PALLD: variants seen among roughly 807,000 people sequenced by gnomAD.
PALLD encodes palladin, cytoskeletal associated protein, also known as palladin.
Under a neutral mutation model 123.5 loss-of-function variants are expected in PALLD, and 61 were observed. The observed-to-expected ratio is 0.49, with a 90% CI of 0.40 to 0.61. PALLD has a LOEUF of 0.61. Among genes scored for constraint, PALLD ranks in the 20% least tolerant of loss-of-function variants. PALLD has a pLI of 0.00. For missense variants in PALLD, 1,273 were observed against 1,377.0 expected, an observed-to-expected ratio of 0.92 and a Z score of 1.20; for synonymous variants, 465 against 496.4, an observed-to-expected ratio of 0.94 and a Z score of 0.84.
At chr4:168,656,244 C>CT in intron 2 of PALLD, among the ~76,000 whole-genome samples, 1 of 109,744 alleles carries the variant, frequency 9.1e-6, no homozygotes, top group African/African-American at 3.4e-5. Context: ...TCCACCCCCC[C>CT]ACCCCCCACC....
At chr4:168,707,740 T>C (rs1441837766) in intron 8 of PALLD, among the ~76,000 whole-genome samples, 1 of 152,198 alleles carries the variant, frequency 6.6e-6, no homozygotes, top group Non-Finnish European at 1.5e-5. Context: ...ATTGCAGCCA[T>C]TATTACTAAG....
At chr4:168,587,164 C>A (rs910795980) in intron 2 of PALLD, among the ~76,000 whole-genome samples, 4 of 152,064 alleles carry the variant, frequency 2.6e-5, no homozygotes, top group African/African-American at 7.2e-5. Flanking sequence ...TTGAAGAATG[C>A]GGGTGTGTAG....
At chr4:168,809,988 G>A (rs752680719) in intron 10 of PALLD, among the ~76,000 whole-genome samples, 1 of 152,052 alleles carries the variant, frequency 6.6e-6, no homozygotes, top group South Asian at 2.1e-4. Flanking sequence ...GGCAAGGAGT[G>A]GAGGTCAGCC....
At chr4:168,591,369 C>A (rs868716546) in intron 2 of PALLD, among the ~76,000 whole-genome samples, 1 of 152,162 alleles carries the variant, frequency 6.6e-6, no homozygotes, top group Non-Finnish European at 1.5e-5. Context: ...GGGCCAGATA[C>A]CATTTAGCTC....
intron 3 of PALLD, among the ~76,000 whole-genome samples, chr4:168,674,115 A>G (rs1181981800): frequency 6.6e-6 from 1 of 152,148 alleles, no homozygotes; most frequent in Non-Finnish European, 1.5e-5. Context: ...GGGTTTTGCC[A>G]TGGTGGCCAG....
intron 2 of PALLD, among the ~76,000 whole-genome samples, chr4:168,534,623 C>G (rs1647420715): frequency 6.6e-6 from 1 of 152,056 alleles, no homozygotes; most frequent in Non-Finnish European, 1.5e-5. Context: ...CTTTTTGTAT[C>G]TTCCACTGAA....
At chr4:168,706,069 T>G (rs1784201378) in intron 8 of PALLD, among the ~76,000 whole-genome samples, 1 of 152,216 alleles carries the variant, frequency 6.6e-6, no homozygotes, top group Admixed American at 6.5e-5. Context: ...ACTACAGTAT[T>G]GTTAACTGTA....
At position 168,926,857 on chromosome 4, in the gene PALLD, A is replaced by AAAG. The variant is rs368730052; in HGVS notation, c.*685_*687dup. The stretch of plus-strand genomic sequence containing the variant: ...GAACCAAGTGCAATATGTAAGGATG[A>AAAG]AAGAAGAAGAGATGACAAAGAAATC... On this transcript the variant is annotated 3_prime_UTR_variant, in exon 22 of 22. Transcript: ENST00000505667. The AAAG allele has an allele frequency of 2.7e-5, 6 of 221,004 alleles. No individual in the cohort carries two copies. The highest frequency in any genetic ancestry group is 5.4e-5 in the Non-Finnish European group (6 of 110,282). The allele number at this position is 221,004 out of a possible 1,614,324, so 13.7% of individuals were successfully genotyped here. A position where few individuals can be genotyped will look rare whatever the true frequency, so the allele number is the denominator to read the frequency against.
At chr4:168,840,183 A>G (rs989321445) in intron 10 of PALLD, among the ~76,000 whole-genome samples, 1 of 152,166 alleles carries the variant, frequency 6.6e-6, no homozygotes, top group African/African-American at 2.4e-5. Context: ...CTTCTCTCAC[A>G]TTGCACCATT....
chr4:168,831,247 C>T (rs1255761371), intron 10 of PALLD, among the ~76,000 whole-genome samples: 2 of 152,292 alleles, frequency 1.3e-5, no homozygotes, highest in Non-Finnish European at 2.9e-5. Flanking sequence ...AATTCTGGAA[C>T]GAATGAGTCC....
intron 2 of PALLD, among the ~76,000 whole-genome samples, chr4:168,602,646 G>T (rs1772783658): frequency 6.6e-6 from 1 of 152,192 alleles, no homozygotes; most frequent in African/African-American, 2.4e-5. Context: ...AGCCATTTCA[G>T]ATGTTATAAG....
intron 2 of PALLD, among the ~76,000 whole-genome samples, chr4:168,614,588 T>A (rs1580587617): frequency 6.6e-6 from 1 of 152,198 alleles, no homozygotes; most frequent in Non-Finnish European, 1.5e-5. Context: ...GTTTATTAGA[T>A]GGTATCATTT....
intron 1 of PALLD, among the ~76,000 whole-genome samples, chr4:168,504,391 C>T (rs1420367503): frequency 6.6e-6 from 1 of 152,122 alleles, no homozygotes; most frequent in Admixed American, 6.5e-5. Context: ...GTCAGGAGTT[C>T]AAGACCAGCC....
chr4:168,599,963 GTA>G (rs1217543065), intron 2 of PALLD, among the ~76,000 whole-genome samples: 2 of 150,818 alleles, frequency 1.3e-5, no homozygotes, highest in Non-Finnish European at 3.0e-5. Context: ...TGTGTGTATT[GTA>G]TACACACACA....
rs548951283 is a variant in PALLD at position 168,928,351 on chromosome 4, T to C, written c.*2171T>C. On this transcript the variant is annotated 3_prime_UTR_variant, in exon 22 of 22. Coordinates refer to ENST00000505667, the MANE Select transcript of PALLD (RefSeq NM_001166108.2). ...TAAAAAAAAAAGTACTATCAATCAA[T>C]CATACTACTTTGGATTGTTGTGCTG... is the stretch of plus-strand genomic sequence containing the variant. 2.0e-4 allele frequency: 37 copies of C among 180,682 alleles called. No homozygotes were observed. The highest frequency in any genetic ancestry group is 3.1e-4 in the Non-Finnish European group (26 of 84,924). 11.2% of individuals were successfully genotyped at this position (180,682 alleles called of 1,614,324 possible).
chr4:168,700,003 A>G, intron 8 of PALLD: 1 of 255,578 alleles, frequency 3.9e-6, no homozygotes, highest in Non-Finnish European at 7.9e-6. Flanking sequence ...ATTCCTTACC[A>G]AAATTTATTT....
At chr4:168,747,459 T>C (rs1405140128) in intron 10 of PALLD, among the ~76,000 whole-genome samples, 1 of 152,196 alleles carries the variant, frequency 6.6e-6, no homozygotes, top group East Asian at 1.9e-4. Context: ...TTCCTAACAA[T>C]GAAAAATGTC....
At chr4:168,557,774 G>T (rs576247313) in intron 2 of PALLD, among the ~76,000 whole-genome samples, 219 of 152,226 alleles carry the variant, frequency 1.4e-3, no homozygotes, top group African/African-American at 4.9e-3. Context: ...GCTTGTTGTG[G>T]TATGAGATTT....
intron 1 of PALLD, among the ~76,000 whole-genome samples, chr4:168,510,448 T>C (rs1762428684): frequency 6.6e-6 from 1 of 152,140 alleles, no homozygotes; most frequent in Non-Finnish European, 1.5e-5. Context: ...TAACATATTA[T>C]TTGTTTAATA....
Sources: gnomAD v4.1 joint callset for allele counts (sites outside exome capture counted in the v4.1 genomes callset) on GRCh38, gnomAD v4.1.1 for gene constraint, MANE v1.5 for transcripts, NCBI Gene and HGNC (gene_info 2026-07-23, HGNC 2026-07-21) for gene names.